DLG2: variants seen among roughly 807,000 people sequenced by gnomAD.
DLG2 encodes discs large MAGUK scaffold protein 2, also known as disks large homolog 2.
DLG2 carries 45 observed loss-of-function variants against 132.5 expected under a neutral mutation model. The ratio of observed to expected loss-of-function variants is 0.34; its 90% confidence interval spans 0.27 to 0.44. DLG2 has a LOEUF of 0.44. Among genes scored for constraint, DLG2 ranks in the 20% least tolerant of loss-of-function variants. DLG2 has a pLI of 1.00. For synonymous variants in DLG2, 424 were observed against 419.6 expected (o/e 1.01, Z -0.13); for missense variants, 1,045 against 1,196.9 (o/e 0.87, Z 1.87).
At chr11:83,545,177 A>C in intron 19 of DLG2, among the ~76,000 whole-genome samples, 1 of 152,108 alleles carries the variant, frequency 6.6e-6, no homozygotes, top group East Asian at 1.9e-4. Flanking sequence ...CAGTTTTTTA[A>C]CTATGTGATC....
chr11:85,383,580 G>A (rs906527660), intron 3 of DLG2, among the ~76,000 whole-genome samples: 7 of 152,088 alleles, frequency 4.6e-5, no homozygotes, highest in Admixed American at 4.6e-4. Flanking sequence ...ATATTTAAAC[G>A]GAGTTTTGCA....
chr11:85,200,924 G>T (rs1209996125), intron 4 of DLG2, among the ~76,000 whole-genome samples: 1 of 152,000 alleles, frequency 6.6e-6, no homozygotes, highest in Non-Finnish European at 1.5e-5. Flanking sequence ...CAGATCACAA[G>T]GGGCCCCATC....
intron 6 of DLG2, among the ~76,000 whole-genome samples, chr11:84,808,198 T>G (rs2076204553): frequency 6.6e-6 from 1 of 151,948 alleles, no homozygotes; most frequent in African/African-American, 2.4e-5. Flanking sequence ...AATCTCCAAG[T>G]GCTTGGAAAC....
chr11:84,971,759 A>G (rs1277495861), intron 6 of DLG2, among the ~76,000 whole-genome samples: 1 of 152,178 alleles, frequency 6.6e-6, no homozygotes, highest in Non-Finnish European at 1.5e-5. Context: ...AAATCAGCCC[A>G]ATACTATATA....
chr11:84,114,449 T>C lies in DLG2; in HGVS notation c.625-15402A>G, dbSNP rs141421724. Among the ~76,000 whole-genome samples the C allele has an allele frequency of 3.0e-3, 463 of 152,266 alleles. 3 individuals carry two copies. The highest frequency in any genetic ancestry group is 0.011 in the African/African-American group (439 of 41,550). ...TTGACTATCATCCATTTTTCTTAAT[T>C]TGAAAGCGAACTCAAGGAGCTGAGG... is the stretch of plus-strand genomic sequence containing the variant. On this transcript the variant is annotated intron_variant, in intron 9 of 27. Coordinates refer to ENST00000376104, the MANE Select transcript of DLG2 (RefSeq NM_001142699.3).
At chr11:85,010,023 C>T (rs1349872661) in intron 6 of DLG2, among the ~76,000 whole-genome samples, 76 of 152,004 alleles carry the variant, frequency 5.0e-4, no homozygotes, top group Non-Finnish European at 2.1e-4. Context: ...ATGAACCTAG[C>T]CATTGTTTTC....
intron 16 of DLG2, among the ~76,000 whole-genome samples, chr11:83,845,768 CATAG>C (rs2058495980): frequency 6.6e-6 from 1 of 152,180 alleles, no homozygotes. Flanking sequence ...ATTGGAGCTA[CATAG>C]ATCTAGGCTT....
intron 9 of DLG2, among the ~76,000 whole-genome samples, chr11:84,124,727 T>G (rs1945828): frequency 0.86 from 131,582 of 152,164 alleles, 57,162 homozygotes; most frequent in Middle Eastern, 0.94. Context: ...TATTTTGAAA[T>G]ATTGAATCTG....
At chr11:83,907,654 T>A (rs1388770897) in intron 15 of DLG2, among the ~76,000 whole-genome samples, 2 of 152,146 alleles carry the variant, frequency 1.3e-5, no homozygotes, top group African/African-American at 4.8e-5. Flanking sequence ...CCCATCAACA[T>A]GCTCAATAAT....
chr11:85,171,623 C>T (rs1374920919), intron 4 of DLG2, among the ~76,000 whole-genome samples: 1 of 152,134 alleles, frequency 6.6e-6, no homozygotes, highest in Non-Finnish European at 1.5e-5. Flanking sequence ...TTCTGTGGGC[C>T]CTACTCCTAC....
At chr11:85,528,606 C>T (rs535546817) in intron 3 of DLG2, among the ~76,000 whole-genome samples, 14 of 152,232 alleles carry the variant, frequency 9.2e-5, no homozygotes, top group Admixed American at 7.2e-4. Context: ...TTATGCATAA[C>T]CTACAAATTA....
chr11:83,815,448 C>G (rs78929180), intron 17 of DLG2, among the ~76,000 whole-genome samples: 77 of 152,264 alleles, frequency 5.1e-4, no homozygotes, highest in Non-Finnish European at 5.4e-4. Flanking sequence ...GTTACCATCA[C>G]GTAACCAGAG....
chr11:83,818,727 G>T (rs537088276), intron 17 of DLG2, among the ~76,000 whole-genome samples: 1 of 152,240 alleles, frequency 6.6e-6, no homozygotes, highest in Non-Finnish European at 1.5e-5. Context: ...GAAAGATGGT[G>T]AGCCACCCAA....
chr11:84,403,101 A>G (rs1013047445), intron 7 of DLG2, among the ~76,000 whole-genome samples: 1 of 151,904 alleles, frequency 6.6e-6, no homozygotes, highest in African/African-American at 2.4e-5. Context: ...TCATTTCCAG[A>G]AGATATCCTC....
At chr11:85,422,778 A>G (rs1176045490) in intron 3 of DLG2, among the ~76,000 whole-genome samples, 1 of 152,004 alleles carries the variant, frequency 6.6e-6, no homozygotes, top group African/African-American at 2.4e-5. Context: ...GGCACGAGAC[A>G]CCACACCTGG....
rs80214480 is a variant in DLG2 at position 84,339,723 on chromosome 11, A to G, written c.520-88432T>C. ...GAACCTGGAATTCCAGCATCTCCCC[A>G]TGGAAGTAGCCCTCATTAAAATAAT... On this transcript the variant is annotated intron_variant, in intron 7 of 27. Coordinates refer to ENST00000376104, the MANE Select transcript of DLG2 (RefSeq NM_001142699.3). Among the ~76,000 whole-genome samples the G allele has an allele frequency of 5.9e-5, 9 of 152,338 alleles. No homozygotes were observed. In the East Asian group the frequency reaches 1.5e-3, roughly 26 times the overall value.
chr11:85,294,466 T>C (rs930098838), intron 3 of DLG2, among the ~76,000 whole-genome samples: 32 of 152,018 alleles, frequency 2.1e-4, no homozygotes, highest in Non-Finnish European at 3.8e-4. Flanking sequence ...TATAATTACT[T>C]GGAGATAAAA....
At chr11:84,288,257 G>T (rs2097937461) in intron 7 of DLG2, among the ~76,000 whole-genome samples, 1 of 151,784 alleles carries the variant, frequency 6.6e-6, no homozygotes, top group Admixed American at 6.6e-5. Context: ...AGGATTAAAT[G>T]AATACTTACA....
In DLG2 at chr11:83,601,268, T is replaced by C. The variant is rs371789585; in HGVS notation, c.1940+31943A>G. On this transcript the variant is annotated intron_variant, in intron 19 of 27. Transcript: ENST00000376104. ...GGGTCCTCAATGCCATGCCGAAGAGTTGGGGGCATTATTCTATATGGGCTA... is the reference window on the plus strand; with the variant it reads ...GGGTCCTCAATGCCATGCCGAAGAGCTGGGGGCATTATTCTATATGGGCTA... 1.2e-4 allele frequency among the ~76,000 whole-genome samples: 19 copies of C among 152,028 alleles called. No homozygotes were observed. In the East Asian group the frequency reaches 3.5e-3, roughly 28 times the overall value.
Sources: gnomAD v4.1 joint callset for allele counts (sites outside exome capture counted in the v4.1 genomes callset) on GRCh38, gnomAD v4.1.1 for gene constraint, MANE v1.5 for transcripts, NCBI Gene and HGNC (gene_info 2026-07-23, HGNC 2026-07-21) for gene names.